The following ARHGEF4 variants were observed in gnomAD, a reference collection of about 807,000 sequenced individuals.
ARHGEF4 encodes APC-stimulated guanine nucleotide exchange factor 1.
In ARHGEF4, 119 loss-of-function variants were observed where a neutral mutation model predicts 162.0. The observed-to-expected ratio is 0.73, with a 90% confidence interval of 0.63 to 0.86. ARHGEF4 has a LOEUF of 0.86. ARHGEF4 is among the 40% of genes least tolerant of loss of function. ARHGEF4 has a pLI of 0.00. For synonymous variants in ARHGEF4, 1,014 were observed against 979.9 expected (o/e 1.03, Z -0.65); for missense variants, 2,488 against 2,456.0 (o/e 1.01, Z -0.28).
intron 4 of ARHGEF4, among the ~76,000 whole-genome samples, chr2:131,002,574 T>G (rs13431311): frequency 0.37 from 56,685 of 151,808 alleles, 12,869 homozygotes; most frequent in African/African-American, 0.63. Flanking sequence ...GCTGGGCGTG[T>G]TGGCAGGCAC....
intron 5 of ARHGEF4, among the ~76,000 whole-genome samples, chr2:131,035,990 C>T (rs934701590): frequency 1.3e-5 from 2 of 152,210 alleles, no homozygotes; most frequent in Non-Finnish European, 2.9e-5. Context: ...CAAATGTGCA[C>T]CTCCATTGGG....
intron 3 of ARHGEF4, among the ~76,000 whole-genome samples, chr2:130,946,031 G>A (rs991692979): frequency 3.9e-5 from 6 of 152,172 alleles, no homozygotes; most frequent in African/African-American, 1.4e-4. Flanking sequence ...TACAGAAAAG[G>A]CTTATATCCC....
chr2:130,930,831 T>G, intron 2 of ARHGEF4, 121 bp from the exon 3 acceptor site: 1 of 935,094 alleles, frequency 1.1e-6, no homozygotes, highest in Non-Finnish European at 1.5e-6. Flanking sequence ...ACTCTGTACT[T>G]TGAAAATTAA....
chr2:130,982,042 A>G (rs1300158197), intron 4 of ARHGEF4, among the ~76,000 whole-genome samples: 1 of 152,152 alleles, frequency 6.6e-6, no homozygotes, highest in Admixed American at 6.5e-5. Context: ...TCTGTCACCG[A>G]GGCTGGAGTG....
chr2:131,026,194 G>T (rs371742972), intron 4 of ARHGEF4, among the ~76,000 whole-genome samples: 39 of 152,278 alleles, frequency 2.6e-4, no homozygotes, highest in African/African-American at 9.1e-4. Flanking sequence ...GAAAGAAATT[G>T]GTTTCCAACC....
At chr2:131,041,087 T>C (rs1690779342) in intron 8 of ARHGEF4, 143 bp from the exon 9 acceptor site, 3 of 685,318 alleles carry the variant, frequency 4.4e-6, no homozygotes, top group Non-Finnish European at 4.9e-6. Context: ...CCCAGGGAAA[T>C]AGGTACACAC....
Position 130,916,508 on chromosome 2 carries a change from C to T in ARHGEF4, c.2562C>T (p.Ser854=), listed in dbSNP as rs1264630337. The T allele has an allele frequency of 6.5e-7, 1 of 1,548,590 alleles. No individual in the cohort carries two copies. The highest frequency in any genetic ancestry group is 1.2e-5 in the South Asian group (1 of 83,966). ...DAPPLHHGDA[S]AWPEFVPQAA... is the part of the protein sequence containing the mutation. ...CGCCTCTGCACCACGGGGACGCCAG[C>T]GCCTGGCCCGAGTTTGTCCCGCAGG... is the stretch of plus-strand genomic sequence containing the variant. Residue 854 remains serine (S), a synonymous_variant, in exon 2 of 14, where the codon AGC becomes AGT. Coordinates refer to ENST00000409359, the MANE Select transcript of ARHGEF4 (RefSeq NM_001367493.1).
At chr2:130,875,434 G>A (rs1174619183) in intron 1 of ARHGEF4, among the ~76,000 whole-genome samples, 1 of 152,172 alleles carries the variant, frequency 6.6e-6, no homozygotes, top group Non-Finnish European at 1.5e-5. Flanking sequence ...GGAAGTGCAA[G>A]ATCAGACAGC....
chr2:130,929,698 T>G (rs994484296), intron 2 of ARHGEF4: 7 of 167,372 alleles, frequency 4.2e-5, no homozygotes, highest in Admixed American at 2.9e-4. Flanking sequence ...GCATACCCAC[T>G]TTTCTCCAAC....
chr2:130,988,094 G>A (rs1314408827), intron 4 of ARHGEF4, among the ~76,000 whole-genome samples: 8 of 152,246 alleles, frequency 5.3e-5, no homozygotes, highest in African/African-American at 1.9e-4. Context: ...CACACAGACA[G>A]TAAAATGCTC....
At chr2:130,992,138 C>A (rs530320801) in intron 4 of ARHGEF4, among the ~76,000 whole-genome samples, 3 of 152,114 alleles carry the variant, frequency 2.0e-5, no homozygotes, top group East Asian at 1.9e-4. Flanking sequence ...GGGGACGAGG[C>A]GAACCTTTGT....
rs561351102 is a variant in ARHGEF4 at position 130,879,457 on chromosome 2, A to G, written c.40-34529A>G. Among the ~76,000 whole-genome samples, 8 of 152,290 alleles carry G rather than the reference A, an allele frequency of 5.3e-5. No individual in the cohort carries two copies. In the East Asian group the frequency reaches 1.4e-3, roughly 26 times the overall value. On this transcript the variant is annotated intron_variant, in intron 1 of 13. Transcript: ENST00000409359. The stretch of plus-strand genomic sequence containing the variant: ...TTGCTTTTTTGATGAGAACTGTCAA[A>G]ATCTACCCTTTTAGTAATTTTCAAG...
chr2:130,962,204 A>G (rs530483553), intron 4 of ARHGEF4, among the ~76,000 whole-genome samples: 3 of 147,580 alleles, frequency 2.0e-5, no homozygotes, highest in Non-Finnish European at 4.4e-5. Flanking sequence ...GCGCCACTGC[A>G]CTCCAGCCTG....
intron 4 of ARHGEF4, among the ~76,000 whole-genome samples, chr2:130,977,098 T>TA (rs1306471955): frequency 1.3e-5 from 2 of 150,760 alleles, no homozygotes; most frequent in Non-Finnish European, 3.0e-5. Context: ...TGTGGTGTGT[T>TA]AGTGTGTGTG....
intron 1 of ARHGEF4, among the ~76,000 whole-genome samples, chr2:130,911,607 A>G (rs6758419): frequency 0.56 from 85,085 of 152,186 alleles, 26,820 homozygotes; most frequent in East Asian, 0.89. Flanking sequence ...GTACACTGCA[A>G]TCAGTCAAAC....
In ARHGEF4 at chr2:131,001,302, CAAAA is replaced by C. The variant is rs70994730; in HGVS notation, c.3986-26620_3986-26617del. Among the ~76,000 whole-genome samples the C allele has an allele frequency of 3.5e-4, 11 of 31,160 alleles. No homozygotes were observed. The South Asian group carries it at 0.011, about 31-fold the overall frequency. The allele number at this position is 31,160 out of a possible 152,430, so 20.4% of individuals were successfully genotyped here. A position where few individuals can be genotyped will look rare whatever the true frequency, so the allele number is the denominator to read the frequency against. On this transcript the variant is annotated intron_variant, in intron 4 of 13. Transcript: ENST00000409359. ...TGGGCGACAGAGTGAGACTGTGTCT[CAAAA>C]AAAAAAAAAAAAAAAAAAAAAACAG...
chr2:131,018,271 C>A (rs1246734458), intron 4 of ARHGEF4, among the ~76,000 whole-genome samples: 1 of 152,144 alleles, frequency 6.6e-6, no homozygotes, highest in Non-Finnish European at 1.5e-5. Context: ...TTTGTAATGA[C>A]CATACTAAGG....
At chr2:130,839,816 G>A (rs893923029) in intron 1 of ARHGEF4, among the ~76,000 whole-genome samples, 13 of 152,154 alleles carry the variant, frequency 8.5e-5, no homozygotes, top group South Asian at 2.1e-4. Context: ...GCCTGGAGCC[G>A]TCACTGAAGT....
intron 6 of ARHGEF4, 108 bp from the exon 7 acceptor site, chr2:131,039,908 C>A: frequency 6.8e-7 from 1 of 1,472,470 alleles, no homozygotes. Flanking sequence ...CCCTGCGCCC[C>A]GTACACCCTG....
Sources: gnomAD v4.1 joint callset for allele counts (sites outside exome capture counted in the v4.1 genomes callset) on GRCh38, gnomAD v4.1.1 for gene constraint, MANE v1.5 for transcripts, NCBI Gene and HGNC (gene_info 2026-07-23, HGNC 2026-07-21) for gene names.